PARD3: variants seen among roughly 807,000 people sequenced by gnomAD.
The protein encoded by PARD3 is par-3 family cell polarity regulator, also known as partitioning defective 3 homolog.
PARD3 carries 75 observed loss-of-function variants against 155.4 expected under a neutral mutation model. That is an observed-to-expected ratio of 0.48 (90% confidence interval 0.40 to 0.58). The LOEUF (loss-of-function observed/expected upper bound fraction) is 0.58, where lower values mean the gene tolerates loss of function less well. PARD3 is among the 20% of genes least tolerant of loss of function. The pLI, the probability that PARD3 is intolerant of heterozygous loss-of-function variation, is 0.00. For missense variants in PARD3, 1,642 were observed against 1,721.7 expected (o/e 0.95, Z 0.82); for synonymous variants, 576 against 610.5 (o/e 0.94, Z 0.83).
At chr10:34,337,739 G>A (rs903860501) in intron 16 of PARD3, among the ~76,000 whole-genome samples, 11 of 152,142 alleles carry the variant, frequency 7.2e-5, no homozygotes, top group African/African-American at 2.7e-4. Context: ...CATAAAAAAT[G>A]AGCCTGATAT....
intron 2 of PARD3, among the ~76,000 whole-genome samples, chr10:34,619,879 C>T (rs1410925470): frequency 1.3e-5 from 2 of 152,164 alleles, no homozygotes; most frequent in East Asian, 1.9e-4. Context: ...CTCCAGCCTT[C>T]TCCCTGATAT....
chr10:34,745,431 G>GGAAAGAGA (rs1564572353), intron 1 of PARD3, among the ~76,000 whole-genome samples: 4 of 146,338 alleles, frequency 2.7e-5, no homozygotes, highest in African/African-American at 7.9e-5. Context: ...AGGGAGGGAG[G>GGAAAGAGA]GAAAGAGAGA....
chr10:34,682,386 A>G (rs901488233), intron 2 of PARD3, among the ~76,000 whole-genome samples: 3 of 150,840 alleles, frequency 2.0e-5, no homozygotes, highest in Non-Finnish European at 1.5e-5. Flanking sequence ...GAATCCTCAA[A>G]TTCTAACACA....
chr10:34,136,966 G>A (rs1317689842), intron 22 of PARD3, among the ~76,000 whole-genome samples: 1 of 152,120 alleles, frequency 6.6e-6, no homozygotes, highest in Non-Finnish European at 1.5e-5. Context: ...TCACTTCCCT[G>A]TGGCAGAACA....
chr10:34,356,729 A>G (rs1323294436), intron 14 of PARD3, among the ~76,000 whole-genome samples: 3 of 152,228 alleles, frequency 2.0e-5, no homozygotes, highest in African/African-American at 7.2e-5. Context: ...AAGGTAATGC[A>G]TAAGTACAAC....
chr10:34,225,138 T>A (rs1271380043), intron 22 of PARD3, among the ~76,000 whole-genome samples: 1 of 152,212 alleles, frequency 6.6e-6, no homozygotes, highest in Non-Finnish European at 1.5e-5. Context: ...TAAGCTCATA[T>A]TCCAGTAGGG....
intron 2 of PARD3, among the ~76,000 whole-genome samples, chr10:34,630,697 G>C (rs1397123992): frequency 6.6e-6 from 1 of 151,924 alleles, no homozygotes; most frequent in Non-Finnish European, 1.5e-5. Context: ...TCCCACCTTG[G>C]CCTCCCAAAG....
At chr10:34,580,385 A>T (rs1333416602) in intron 2 of PARD3, among the ~76,000 whole-genome samples, 1 of 152,036 alleles carries the variant, frequency 6.6e-6, no homozygotes, top group Non-Finnish European at 1.5e-5. Context: ...AAATACAAAA[A>T]TTAGCCAGGC....
At chr10:34,131,044 A>G (rs1465182375) in intron 23 of PARD3, among the ~76,000 whole-genome samples, 2 of 152,190 alleles carry the variant, frequency 1.3e-5, no homozygotes, top group African/African-American at 2.4e-5. Flanking sequence ...TGTGTGACAA[A>G]GCGAGACCTC....
At chr10:34,374,183 A>T (rs1205539057) in intron 11 of PARD3, among the ~76,000 whole-genome samples, 1 of 152,172 alleles carries the variant, frequency 6.6e-6, no homozygotes, top group Non-Finnish European at 1.5e-5. Flanking sequence ...GCAGAAAACC[A>T]CTCAGAACTA....
intron 10 of PARD3, among the ~76,000 whole-genome samples, chr10:34,376,864 G>C (rs1841304431): frequency 6.6e-6 from 1 of 152,092 alleles, no homozygotes; most frequent in Non-Finnish European, 1.5e-5. Flanking sequence ...ATTAGGAAAT[G>C]CAGTATCTGC....
chr10:34,406,189 T>G (rs1844455737), intron 5 of PARD3, among the ~76,000 whole-genome samples: 1 of 152,208 alleles, frequency 6.6e-6, no homozygotes. Flanking sequence ...CGATATTAAA[T>G]TCTACTAAAA....
At chr10:34,300,978 C>T (rs1163321492) in intron 20 of PARD3, among the ~76,000 whole-genome samples, 1 of 152,166 alleles carries the variant, frequency 6.6e-6, no homozygotes, top group African/African-American at 2.4e-5. Context: ...TTCCTTATAT[C>T]CTAATAGCTA....
intron 22 of PARD3, among the ~76,000 whole-genome samples, chr10:34,244,206 G>C (rs908355110): frequency 6.6e-6 from 1 of 152,092 alleles, no homozygotes; most frequent in East Asian, 1.9e-4. Flanking sequence ...AGACAATGTC[G>C]AATTACCAGT....
chr10:34,585,527 C>CT lies in PARD3; in HGVS notation c.223-68369dup, dbSNP rs371759278. ...AGGCTCACCACTTTTTCTAATTTTT[C>CT]TTTTTTTTTCTTTTTCTTTCTTTTT... On this transcript the variant is annotated intron_variant, in intron 2 of 24. Transcript: ENST00000374788. Among the ~76,000 whole-genome samples, 368 of 145,224 alleles carry CT rather than the reference C, an allele frequency of 2.5e-3. 1 individual carries two copies. Among genetic ancestry groups the CT allele is most frequent in the Non-Finnish European group, 4.2e-3 (280 of 66,694 alleles).
chr10:34,657,663 C>T (rs1032932441), intron 2 of PARD3, among the ~76,000 whole-genome samples: 4 of 152,186 alleles, frequency 2.6e-5, no homozygotes, highest in Admixed American at 1.3e-4. Context: ...CTCAGCCTCC[C>T]GAGTAGCTGG....
In PARD3 at chr10:34,662,367, T is replaced by C. The variant is rs531429463; in HGVS notation, c.222+33951A>G. ...TTGGAGGTTCCTTAAAAACTAAAAA[T>C]AGAGCTATCACATGATCCAGCAATC... On this transcript the variant is annotated intron_variant, in intron 2 of 24. Transcript: ENST00000374788. Among the ~76,000 whole-genome samples, 6 of 152,172 alleles carry C rather than the reference T, an allele frequency of 3.9e-5. No individual in the cohort carries two copies. The South Asian group carries it at 1.2e-3, about 32-fold the overall frequency.
At chr10:34,413,002 G>A (rs763375824) in intron 5 of PARD3, among the ~76,000 whole-genome samples, 9 of 151,972 alleles carry the variant, frequency 5.9e-5, no homozygotes, top group African/African-American at 1.9e-4. Flanking sequence ...CTCTTGAAAC[G>A]TTTACTCTTA....
intron 4 of PARD3, among the ~76,000 whole-genome samples, chr10:34,465,681 G>T (rs1351578980): frequency 6.6e-6 from 1 of 152,084 alleles, no homozygotes; most frequent in Admixed American, 6.6e-5. Flanking sequence ...AACTTGTCCG[G>T]ACCTGGTTTT....
Sources: gnomAD v4.1 joint callset for allele counts (sites outside exome capture counted in the v4.1 genomes callset) on GRCh38, gnomAD v4.1.1 for gene constraint, MANE v1.5 for transcripts, NCBI Gene and HGNC (gene_info 2026-07-23, HGNC 2026-07-21) for gene names.